Variants in GRB2 observed in about 807,000 individuals in gnomAD.
The protein encoded by GRB2 is growth factor receptor bound protein 2.
A neutral mutation model predicts 27.4 loss-of-function variants in GRB2; 2 were observed. That is an observed-to-expected ratio of 0.07 (90% CI 0.03 to 0.23). The LOEUF (loss-of-function observed/expected upper bound fraction) is 0.23. Among genes scored for constraint, GRB2 ranks in the 10% least tolerant of loss-of-function variants. GRB2 has a pLI of 1.00. For synonymous variants in GRB2, 94 were observed against 99.6 expected (o/e 0.94, Z 0.33); for missense variants, 102 against 282.4 (o/e 0.36, Z 4.58).
intron 2 of GRB2, among the ~76,000 whole-genome samples, chr17:75,351,334 T>C (rs138883229): frequency 4.5e-4 from 69 of 152,170 alleles, no homozygotes; most frequent in African/African-American, 1.6e-3. Context: ...CATAGGCTTC[T>C]CAAAGTGAAA....
At chr17:75,363,989 CT>C (rs2078803567) in intron 2 of GRB2, among the ~76,000 whole-genome samples, 1 of 151,014 alleles carries the variant, frequency 6.6e-6, no homozygotes, top group Admixed American at 6.6e-5. Flanking sequence ...AACTTCATTG[CT>C]GCCTGTATTC....
intron 2 of GRB2, among the ~76,000 whole-genome samples, chr17:75,365,717 A>G (rs1269449038): frequency 6.6e-6 from 1 of 152,228 alleles, no homozygotes; most frequent in Admixed American, 6.5e-5. Flanking sequence ...AAAAACCGCC[A>G]GTACAATGAG....
At chr17:75,328,634 C>A (rs2078517049) in intron 3 of GRB2, among the ~76,000 whole-genome samples, 1 of 145,882 alleles carries the variant, frequency 6.9e-6, no homozygotes, top group Non-Finnish European at 1.5e-5. Flanking sequence ...AAGAGTGAAA[C>A]TCCATCTCAA....
intron 4 of GRB2, among the ~76,000 whole-genome samples, chr17:75,322,712 CG>C (rs2078468843): frequency 1.3e-5 from 2 of 152,108 alleles, no homozygotes; most frequent in African/African-American, 4.8e-5. Context: ...CAAGCAAAAC[CG>C]GCAACAGCGT....
intron 4 of GRB2, among the ~76,000 whole-genome samples, chr17:75,324,267 T>G (rs1221679669): frequency 6.6e-6 from 1 of 151,228 alleles, no homozygotes; most frequent in Non-Finnish European, 1.5e-5. Flanking sequence ...TGGCACGATC[T>G]TGGCTCATCT....
rs61757948 is a variant in GRB2 at position 75,320,640 on chromosome 17, C to A, written c.469-87G>T. ...AGGCCAGATGGGTTCCAGGGGGAAA[C>A]GAATGCGTGCCAAATTCTCCATGTT... is the stretch of plus-strand genomic sequence containing the variant. On this transcript the variant is annotated intron_variant, in intron 5 of 5. Coordinates refer to ENST00000316804, the MANE Select transcript of GRB2 (RefSeq NM_002086.5). The surrounding 1 kb of genome is among the most constrained non-coding windows in gnomAD (Gnocchi z 4.3). 1.9e-3 allele frequency: 1,743 copies of A among 901,172 alleles called. 13 individuals carry two copies. In the African/African-American group the frequency reaches 0.025, roughly 13 times the overall value. 55.8% of individuals were successfully genotyped at this position (901,172 alleles called of 1,614,324 possible).
At chr17:75,333,897 T>A (rs1449278122) in intron 2 of GRB2, among the ~76,000 whole-genome samples, 2 of 152,228 alleles carry the variant, frequency 1.3e-5, no homozygotes, top group South Asian at 4.1e-4. Flanking sequence ...TACGAGGTAG[T>A]GACCCCACAG....
intron 2 of GRB2, among the ~76,000 whole-genome samples, chr17:75,340,812 T>C (rs2078615692): frequency 6.6e-6 from 1 of 152,218 alleles, no homozygotes; most frequent in African/African-American, 2.4e-5. Context: ...CAATGCTGCC[T>C]GCTATGCTGT....
At chr17:75,360,620 T>C (rs1047918227) in intron 2 of GRB2, among the ~76,000 whole-genome samples, 9 of 152,188 alleles carry the variant, frequency 5.9e-5, no homozygotes, top group Non-Finnish European at 2.9e-5. Context: ...AGTGACCTAA[T>C]ACAAAAGCAA....
At chr17:75,337,871 TTAC>T (rs1224394398) in intron 2 of GRB2, among the ~76,000 whole-genome samples, 8,096 of 117,444 alleles carry the variant, frequency 0.069, 944 homozygotes, top group African/African-American at 0.2. Flanking sequence ...CGGCCTACTA[TTAC>T]TACTACTACT....
intron 2 of GRB2, chr17:75,338,690 T>C (rs1378086626): frequency 3.2e-6 from 1 of 310,632 alleles, no homozygotes; most frequent in South Asian, 2.6e-5. Context: ...GTTTTTTGGT[T>C]TTTTTTTGCA....
chr17:75,373,653 C>T (rs1169907169), intron 2 of GRB2: 1 of 152,194 alleles, frequency 6.6e-6, no homozygotes, highest in Non-Finnish European at 1.5e-5. Flanking sequence ...ATTCCATACA[C>T]ATCTTTAGCA....
intron 2 of GRB2, among the ~76,000 whole-genome samples, chr17:75,358,066 C>T (rs2078745409): frequency 6.6e-6 from 1 of 152,208 alleles, no homozygotes; most frequent in South Asian, 2.1e-4. Context: ...CACCAACCAC[C>T]ATGTCTAGCC....
chr17:75,330,710 A>C (rs896533583), intron 3 of GRB2, among the ~76,000 whole-genome samples: 5 of 151,506 alleles, frequency 3.3e-5, no homozygotes, highest in African/African-American at 1.2e-4. Context: ...CAAAAAACAA[A>C]AAAAAAAAAG....
rs539198769 is a variant in GRB2 at position 75,321,909 on chromosome 17, C to T, written c.300-82G>A. On this transcript the variant is annotated intron_variant, in intron 4 of 5. Transcript: ENST00000316804. ...GGGTATTTCCATATAGGAGCTATCT[C>T]GAGAGAACCACTGTCCCAGCAGCAC... is the stretch of plus-strand genomic sequence containing the variant. The T allele has an allele frequency of 3.1e-5, 41 of 1,337,000 alleles. No individual in the cohort carries two copies. The African/African-American group carries it at 4.2e-4, about 14-fold the overall frequency. 82.8% of individuals were successfully genotyped at this position (1,337,000 alleles called of 1,614,324 possible).
At chr17:75,388,611 T>C (rs886164941) in intron 2 of GRB2, among the ~76,000 whole-genome samples, 99 of 151,816 alleles carry the variant, frequency 6.5e-4, no homozygotes, top group Middle Eastern at 3.4e-3. Context: ...ACACTTTTTT[T>C]TTTTTTTAAT....
chr17:75,389,986 G>C (rs2078988536), intron 2 of GRB2, among the ~76,000 whole-genome samples: 1 of 152,122 alleles, frequency 6.6e-6, no homozygotes. Flanking sequence ...AAGGGAGAAA[G>C]TACATCTTAT....
chr17:75,334,631 T>G (rs1223470807), intron 2 of GRB2, among the ~76,000 whole-genome samples: 1 of 152,052 alleles, frequency 6.6e-6, no homozygotes, highest in African/African-American at 2.4e-5. Context: ...TAATGATGAC[T>G]AGTAGTAAAA....
intron 2 of GRB2, among the ~76,000 whole-genome samples, chr17:75,367,377 G>A (rs2078826753): frequency 6.6e-6 from 1 of 152,074 alleles, no homozygotes. Context: ...GAGTTTTGCT[G>A]TGTTGCTCAG....
Sources: allele counts gnomAD v4.1 joint callset (sites outside exome capture counted in the v4.1 genomes callset), GRCh38; gene constraint gnomAD v4.1.1; non-coding constraint Gnocchi (gnomAD v3.1); transcripts MANE v1.5; gene names NCBI Gene and HGNC (gene_info 2026-07-23, HGNC 2026-07-21).